The following SAMD12 variants were observed in gnomAD, a reference collection of about 807,000 sequenced individuals.
The protein encoded by SAMD12 is sterile alpha motif domain-containing protein 12.
In SAMD12, 9 loss-of-function variants were observed where a neutral mutation model predicts 15.0. The observed-to-expected ratio is 0.60, with a 90% CI of 0.36 to 1.05. The LOEUF (loss-of-function observed/expected upper bound fraction) is 1.05. Among genes scored for constraint, SAMD12 ranks in the 50% least tolerant of loss-of-function variants. The probability of loss-of-function intolerance (pLI) is 0.01; values close to 1 mark genes in which losing one functional copy is unlikely to be tolerated. For missense variants in SAMD12, 230 were observed against 234.2 expected (o/e 0.98, Z 0.12); for synonymous variants, 86 against 90.1 (o/e 0.96, Z 0.25).
chr8:118,226,350 G>T (rs2451137), intron 4 of SAMD12, among the ~76,000 whole-genome samples: 131,685 of 152,136 alleles, frequency 0.87, 58,176 homozygotes, highest in Non-Finnish European at 0.92. Context: ...ACCGAACCCA[G>T]ATTTCAGCAA....
intron 1 of SAMD12, among the ~76,000 whole-genome samples, chr8:118,597,175 T>C (rs1827745117): frequency 6.6e-6 from 1 of 152,114 alleles, no homozygotes; most frequent in Non-Finnish European, 1.5e-5. Context: ...AAAAGGATTT[T>C]CCTCTTTATC....
At chr8:118,224,371 C>G (rs1812142678) in intron 4 of SAMD12, among the ~76,000 whole-genome samples, 1 of 152,188 alleles carries the variant, frequency 6.6e-6, no homozygotes, top group Non-Finnish European at 1.5e-5. Flanking sequence ...TCCTTATTTT[C>G]TAATTCCAAA....
At chr8:118,237,311 C>T (rs993046943) in intron 4 of SAMD12, among the ~76,000 whole-genome samples, 1 of 152,118 alleles carries the variant, frequency 6.6e-6, no homozygotes, top group Non-Finnish European at 1.5e-5. Flanking sequence ...TGTTGGGATA[C>T]ACTAATGAGT....
At chr8:118,584,606 G>A (rs1248885890) in intron 1 of SAMD12, among the ~76,000 whole-genome samples, 1 of 152,064 alleles carries the variant, frequency 6.6e-6, no homozygotes, top group East Asian at 1.9e-4. Flanking sequence ...TACTTAATTT[G>A]AATGTCATTA....
intron 4 of SAMD12, among the ~76,000 whole-genome samples, chr8:118,316,893 G>T (rs1320671547): frequency 6.8e-6 from 1 of 146,324 alleles, no homozygotes; most frequent in Non-Finnish European, 1.5e-5. Flanking sequence ...GGCCTCAAGT[G>T]ATCCTCCTGC....
chr8:118,302,200 G>C (rs912785865), intron 4 of SAMD12, among the ~76,000 whole-genome samples: 1 of 150,876 alleles, frequency 6.6e-6, no homozygotes, highest in African/African-American at 2.4e-5. Flanking sequence ...GCCTTTCAGG[G>C]AACAACAGGG....
chr8:118,565,374 C>A (rs1826818965), intron 2 of SAMD12, among the ~76,000 whole-genome samples: 1 of 152,208 alleles, frequency 6.6e-6, no homozygotes, highest in South Asian at 2.1e-4. Flanking sequence ...CATTACCCTT[C>A]AAACTGAACA....
chr8:118,223,216 C>A (rs566458358), intron 4 of SAMD12, among the ~76,000 whole-genome samples: 1 of 152,256 alleles, frequency 6.6e-6, no homozygotes, highest in East Asian at 1.9e-4. Flanking sequence ...TTTCTGAAAG[C>A]CAAACACAAA....
chr8:118,506,976 C>T (rs1460824196), intron 2 of SAMD12, among the ~76,000 whole-genome samples: 1 of 151,996 alleles, frequency 6.6e-6, no homozygotes, highest in African/African-American at 2.4e-5. Context: ...AGGTTATGCA[C>T]CCTTCCAAAT....
At chr8:118,523,745 C>T (rs962356149) in intron 2 of SAMD12, among the ~76,000 whole-genome samples, 3 of 152,146 alleles carry the variant, frequency 2.0e-5, no homozygotes, top group Admixed American at 1.3e-4. Flanking sequence ...CCTGCTCCTA[C>T]TCCAATCACT....
chr8:118,548,309 T>C (rs1294039433), intron 2 of SAMD12, among the ~76,000 whole-genome samples: 3 of 152,050 alleles, frequency 2.0e-5, no homozygotes, highest in South Asian at 2.1e-4. Flanking sequence ...GTAATAGATA[T>C]ATGATTCCTT....
intron 4 of SAMD12, among the ~76,000 whole-genome samples, chr8:118,330,826 A>G (rs142263799): frequency 3.3e-4 from 50 of 152,288 alleles, no homozygotes; most frequent in Non-Finnish European, 6.8e-4. Context: ...CATGAGAAAT[A>G]TGAAGGGGAG....
chr8:118,574,685 A>C (rs971539153), intron 2 of SAMD12, among the ~76,000 whole-genome samples: 5 of 152,220 alleles, frequency 3.3e-5, no homozygotes, highest in Non-Finnish European at 5.9e-5. Flanking sequence ...CCTGTCCAAG[A>C]ACTCAATATA....
intron 4 of SAMD12, among the ~76,000 whole-genome samples, chr8:118,350,730 C>A (rs1817923114): frequency 6.6e-6 from 1 of 152,216 alleles, no homozygotes; most frequent in Admixed American, 6.5e-5. Flanking sequence ...ATAAGGCCCA[C>A]ACAGAAAGGC....
chr8:118,522,698 A>G (rs537113799), intron 2 of SAMD12, among the ~76,000 whole-genome samples: 2 of 152,318 alleles, frequency 1.3e-5, no homozygotes, highest in Non-Finnish European at 2.9e-5. Flanking sequence ...TGTATCATCA[A>G]GTATGAAATG....
chr8:118,524,197 C>G (rs1299988081), intron 2 of SAMD12, among the ~76,000 whole-genome samples: 1 of 152,098 alleles, frequency 6.6e-6, no homozygotes, highest in Admixed American at 6.6e-5. Context: ...CCACTTCTAA[C>G]AGGCTTTTTC....
intron 2 of SAMD12, among the ~76,000 whole-genome samples, chr8:118,563,149 C>A (rs1027142954): frequency 6.6e-6 from 1 of 152,102 alleles, no homozygotes; most frequent in Non-Finnish European, 1.5e-5. Flanking sequence ...TCAGTCACAT[C>A]CAATGAACAC....
chr8:118,162,050 C>A, the SAMD12 span, among the ~76,000 whole-genome samples: 2 of 151,248 alleles, frequency 1.3e-5, no homozygotes, highest in African/African-American at 4.9e-5. Context: ...GTCCCAGCTA[C>A]TCGGGAGGCT....
intron 3 of SAMD12, among the ~76,000 whole-genome samples, chr8:118,418,591 C>T (rs1340319625): frequency 6.6e-6 from 1 of 151,932 alleles, no homozygotes; most frequent in Non-Finnish European, 1.5e-5. Context: ...TGGTGGCGGG[C>T]GCCTGTGGTC....
Sources: gnomAD v4.1 joint callset for allele counts (sites outside exome capture counted in the v4.1 genomes callset) on GRCh38, gnomAD v4.1.1 for gene constraint, MANE v1.5 for transcripts, NCBI Gene and HGNC (gene_info 2026-07-23, HGNC 2026-07-21) for gene names.